The following NPSR1 variants were observed in gnomAD, a reference collection of about 807,000 sequenced individuals.
NPSR1 encodes the protein neuropeptide S receptor.
In NPSR1, 48 loss-of-function variants were observed where a neutral mutation model predicts 46.9. That is an observed-to-expected ratio of 1.02 (90% CI 0.81 to 1.30). The LOEUF (loss-of-function observed/expected upper bound fraction) is 1.30. NPSR1 is among the 50% of genes most tolerant of loss of function. The probability of loss-of-function intolerance (pLI) is 0.00; values close to 1 mark genes in which losing one functional copy is unlikely to be tolerated. For missense variants in NPSR1, 450 were observed against 449.5 expected (o/e 1.00, Z -0.01); for synonymous variants, 176 against 168.1 (o/e 1.05, Z -0.36).
At chr7:34,731,570 T>A (rs1004772960) in intron 2 of NPSR1, among the ~76,000 whole-genome samples, 1 of 152,214 alleles carries the variant, frequency 6.6e-6, no homozygotes, top group African/African-American at 2.4e-5. Flanking sequence ...TTCAAAGAAG[T>A]GATTTTACAA....
chr7:34,830,162 T>C (rs1790048951), intron 5 of NPSR1, among the ~76,000 whole-genome samples: 1 of 152,234 alleles, frequency 6.6e-6, no homozygotes, highest in Non-Finnish European at 1.5e-5. Context: ...TCATCTCAGA[T>C]ATAAGGTTCA....
intron 2 of NPSR1, among the ~76,000 whole-genome samples, chr7:34,737,975 G>A (rs113120734): frequency 0.022 from 3,392 of 152,258 alleles, 48 homozygotes; most frequent in Middle Eastern, 0.051. Flanking sequence ...TCTGTCCAAG[G>A]AAGATTTTTA....
At chr7:34,682,893 C>T (rs1324463149) in intron 1 of NPSR1, among the ~76,000 whole-genome samples, 1 of 152,172 alleles carries the variant, frequency 6.6e-6, no homozygotes, top group Non-Finnish European at 1.5e-5. Context: ...AAGATGCTGC[C>T]TCCAAGTGGG....
chr7:34,659,836 G>A lies in NPSR1; in HGVS notation c.147+1277G>A, dbSNP rs553647111. Among the ~76,000 whole-genome samples the A allele has an allele frequency of 2.0e-5, 3 of 152,296 alleles. No homozygotes were observed. In the East Asian group the frequency reaches 5.8e-4, roughly 29 times the overall value. On this transcript the variant is annotated intron_variant, in intron 1 of 8. Coordinates refer to ENST00000360581, the MANE Select transcript of NPSR1 (RefSeq NM_207172.2). Reference sequence around the variant, plus strand: ...CTGCAGACCCAGAGAGTCTGTCTTGGCAGGCTGTGTGCACCCAGGAAGCAC... The same window carrying A: ...CTGCAGACCCAGAGAGTCTGTCTTGACAGGCTGTGTGCACCCAGGAAGCAC...
chr7:34,809,769 C>G (rs1363774878), intron 3 of NPSR1, among the ~76,000 whole-genome samples: 1 of 152,084 alleles, frequency 6.6e-6, no homozygotes, highest in Non-Finnish European at 1.5e-5. Flanking sequence ...TTTTCCTGAT[C>G]CTAACCCTCC....
intron 4 of NPSR1, among the ~76,000 whole-genome samples, chr7:34,818,316 C>T (rs1038449795): frequency 6.6e-6 from 1 of 152,146 alleles, no homozygotes; most frequent in African/African-American, 2.4e-5. Context: ...TTCCCATTCA[C>T]AATTGCTACA....
chr7:34,661,925 G>A (rs1459490038), intron 1 of NPSR1, among the ~76,000 whole-genome samples: 3 of 152,038 alleles, frequency 2.0e-5, no homozygotes, highest in African/African-American at 7.3e-5. Context: ...AAATAAATGA[G>A]GTATCTGAAT....
At chr7:34,877,529 C>T (rs745525526) in intron 8 of NPSR1, among the ~76,000 whole-genome samples, 19 of 152,122 alleles carry the variant, frequency 1.2e-4, no homozygotes, top group South Asian at 2.1e-4. Flanking sequence ...AAAAGCTGGA[C>T]GGAGCAATAG....
chr7:34,682,832 C>T (rs1030703638), intron 1 of NPSR1, among the ~76,000 whole-genome samples: 2 of 152,130 alleles, frequency 1.3e-5, no homozygotes, highest in Non-Finnish European at 2.9e-5. Flanking sequence ...GGATATGACC[C>T]CTCTAGTCAT....
At chr7:34,670,170 A>T (rs1791976082) in intron 1 of NPSR1, among the ~76,000 whole-genome samples, 1 of 152,230 alleles carries the variant, frequency 6.6e-6, no homozygotes, top group East Asian at 1.9e-4. Flanking sequence ...AAATTTGAAC[A>T]CAAACAACTA....
intron 3 of NPSR1, among the ~76,000 whole-genome samples, chr7:34,811,276 T>C (rs1788973640): frequency 6.6e-6 from 1 of 152,036 alleles, no homozygotes; most frequent in Non-Finnish European, 1.5e-5. Context: ...GGAAGGGGGA[T>C]GGAGTGGGAA....
At position 34,845,566 on chromosome 7, in the gene NPSR1, C is replaced by T. The variant is rs540633391; in HGVS notation, c.844+584C>T. ...CCTAATCTCATTTGTTCCCCAACAA[C>T]GCCACCTCCCTGAGGGCTCCTTGAT... On this transcript the variant is annotated intron_variant, in intron 7 of 8. Coordinates refer to ENST00000360581, the MANE Select transcript of NPSR1 (RefSeq NM_207172.2). 2.1e-4 allele frequency: 94 copies of T among 455,930 alleles called. 2 individuals are homozygous for T. Among genetic ancestry groups the T allele is most frequent in the African/African-American group, 6.4e-4 (32 of 50,164 alleles). The allele number at this position is 455,930 out of a possible 1,614,324, so 28.2% of individuals were successfully genotyped here.
At chr7:34,809,235 G>C (rs1020648436) in intron 3 of NPSR1, among the ~76,000 whole-genome samples, 4 of 151,746 alleles carry the variant, frequency 2.6e-5, no homozygotes, top group Non-Finnish European at 4.4e-5. Flanking sequence ...GTAGACGATC[G>C]ATTTTTTTTT....
rs772688166 is a variant in NPSR1 at position 34,750,279 on chromosome 7, T to C, written c.281-28183T>C. On this transcript the variant is annotated intron_variant, in intron 2 of 8. Coordinates refer to ENST00000360581, the MANE Select transcript of NPSR1 (RefSeq NM_207172.2). The stretch of plus-strand genomic sequence containing the variant: ...GATCTGTGCCTGCGAGCTGATGCTC[T>C]GAGAATGGGGGTTATTTTCTTGGGT... The C allele has an allele frequency of 1.0e-5, 7 of 683,832 alleles. No individual in the cohort carries two copies. In the East Asian group the frequency reaches 1.7e-4, roughly 17 times the overall value. 42.4% of individuals were successfully genotyped at this position (683,832 alleles called of 1,614,324 possible).
intron 5 of NPSR1, among the ~76,000 whole-genome samples, chr7:34,828,035 A>T (rs1293997530): frequency 6.6e-6 from 1 of 152,260 alleles, no homozygotes; most frequent in Non-Finnish European, 1.5e-5. Context: ...ATATAAGGCA[A>T]ATTACCAGTT....
intron 1 of NPSR1, among the ~76,000 whole-genome samples, chr7:34,661,299 G>C (rs187604319): frequency 1.1e-4 from 17 of 152,150 alleles, no homozygotes; most frequent in Admixed American, 7.2e-4. Flanking sequence ...GACCAAAGTC[G>C]GTTCTAGATT....
At chr7:34,876,957 G>A (rs1311112845) in intron 8 of NPSR1, among the ~76,000 whole-genome samples, 3 of 152,196 alleles carry the variant, frequency 2.0e-5, no homozygotes, top group Non-Finnish European at 4.4e-5. Context: ...TGGGAGTCAC[G>A]GCTGCAGGTC....
Position 34,775,375 on chromosome 7 carries a change from C to T in NPSR1, c.281-3087C>T, listed in dbSNP as rs530543695. ...TCGTAGAATGAGTTTGGAAGTATTC[C>T]CTCCTCCTCTATTTTTCAGAATAGT... On this transcript the variant is annotated intron_variant, in intron 2 of 8. Transcript: ENST00000360581. Among the ~76,000 whole-genome samples, 3 of 152,206 alleles carry T rather than the reference C, an allele frequency of 2.0e-5. No individual in the cohort carries two copies. The South Asian group carries it at 6.2e-4, about 32-fold the overall frequency.
chr7:34,673,249 A>G (rs1792146619), intron 1 of NPSR1, among the ~76,000 whole-genome samples: 1 of 152,112 alleles, frequency 6.6e-6, no homozygotes, highest in Admixed American at 6.5e-5. Context: ...CCACCATCAG[A>G]CTATAAGCTC....
Sources: gnomAD v4.1 joint callset for allele counts (sites outside exome capture counted in the v4.1 genomes callset) on GRCh38, gnomAD v4.1.1 for gene constraint, MANE v1.5 for transcripts, NCBI Gene and HGNC (gene_info 2026-07-23, HGNC 2026-07-21) for gene names.